SAR1A: variants seen among roughly 807,000 people sequenced by gnomAD.
SAR1A encodes the protein secretion associated Ras related GTPase 1A.
Under a neutral mutation model 22.6 loss-of-function variants are expected in SAR1A, and 6 were observed. The ratio of observed to expected loss-of-function variants is 0.27; its 90% CI spans 0.15 to 0.52. The LOEUF (loss-of-function observed/expected upper bound fraction) is 0.52. Among genes scored for constraint, SAR1A ranks in the 20% least tolerant of loss-of-function variants. The pLI, the probability that SAR1A is intolerant of heterozygous loss-of-function variation, is 0.96. For missense variants in SAR1A, 145 were observed against 245.1 expected (o/e 0.59, Z 2.73); for synonymous variants, 70 against 82.2 (o/e 0.85, Z 0.80).
At chr10:70,154,381 G>T (rs958390076) in intron 5 of SAR1A, among the ~76,000 whole-genome samples, 1 of 152,146 alleles carries the variant, frequency 6.6e-6, no homozygotes, top group Non-Finnish European at 1.5e-5. Context: ...CATTGTGTGC[G>T]AAGAACTCTC....
In SAR1A at chr10:70,148,817, ACTTT is replaced by A. The variant is rs1839294659; in HGVS notation, c.*3655_*3658del. On this transcript the variant is annotated 3_prime_UTR_variant, in exon 7 of 7. Coordinates refer to ENST00000373241, the MANE Select transcript of SAR1A (RefSeq NM_020150.5). The stretch of plus-strand genomic sequence containing the variant: ...AACAAACAAACAAACAAACAAACAA[ACTTT>A]CTCTCTCGAGTCCAGTGATTCTCCC... The A allele has an allele frequency of 6.5e-6, 1 of 154,342 alleles. No individual in the cohort carries two copies. The highest frequency in any genetic ancestry group is 1.4e-5 in the Non-Finnish European group (1 of 70,732). The allele number at this position is 154,342 out of a possible 1,614,324, so 9.6% of individuals were successfully genotyped here.
intron 4 of SAR1A, among the ~76,000 whole-genome samples, chr10:70,158,757 C>CAGGAAAAA (rs368054677): frequency 7.9e-6 from 1 of 125,810 alleles, no homozygotes; most frequent in African/African-American, 2.9e-5. Flanking sequence ...TTAAGTTATA[C>CAGGAAAAA]AAAAAAAAAA....
intron 5 of SAR1A, chr10:70,155,176 T>C (rs186330799): frequency 1.0e-3 from 481 of 482,518 alleles, no homozygotes; most frequent in Non-Finnish European, 1.4e-3. Flanking sequence ...TTTTTCAGTA[T>C]AATGAATTCA....
At chr10:70,161,760 A>C in intron 2 of SAR1A, 22 bp from the exon 3 acceptor site, 1 of 1,613,822 alleles carries the variant, frequency 6.2e-7, no homozygotes, top group Non-Finnish European at 8.5e-7. Context: ...AAAAATTGTT[A>C]ACACATTTGC....
intron 1 of SAR1A, among the ~76,000 whole-genome samples, chr10:70,164,429 AAAGT>A (rs1839518963): frequency 6.6e-6 from 1 of 152,174 alleles, no homozygotes; most frequent in African/African-American, 2.4e-5. Flanking sequence ...GCCTTTTTTT[AAAGT>A]AGTTTTCTTT....
intron 1 of SAR1A, among the ~76,000 whole-genome samples, chr10:70,162,474 C>CAGGGGAGGAGGGGG (rs1424428897): frequency 2.0e-4 from 7 of 34,930 alleles, no homozygotes; most frequent in Admixed American, 3.9e-4. Flanking sequence ...GGAGGCGGGG[C>CAGGGGAGGAGGGGG]AGGGGAGGAG....
At chr10:70,161,192 G>A (rs1469745824) in intron 3 of SAR1A, 123 bp from the exon 4 acceptor site, 2 of 726,424 alleles carry the variant, frequency 2.8e-6, no homozygotes, top group African/African-American at 3.6e-5. Flanking sequence ...GTTGAGTGTG[G>A]TGGTACCCGC....
chr10:70,151,259 C>CAAAAAAAAAAAAAAAAAAAAAAAAAAAA lies in SAR1A; in HGVS notation c.*1216_*1217insTTTTTTTTTTTTTTTTTTTTTTTTTTTT, dbSNP rs201493587. ...GCAATGGAGAAAGACAATTTCATAC[C>CAAAAAAAAAAAAAAAAAAAAAAAAAAAA]AAAAAAAAAAAAAAAAAAAAAAAAA... On this transcript the variant is annotated 3_prime_UTR_variant, in exon 7 of 7. Transcript: ENST00000373241. 5 of 70,386 alleles carry CAAAAAAAAAAAAAAAAAAAAAAAAAAAA rather than the reference C, an allele frequency of 7.1e-5. No individual in the cohort carries two copies. Among genetic ancestry groups the CAAAAAAAAAAAAAAAAAAAAAAAAAAAA allele is most frequent in the Non-Finnish European group, 1.3e-4 (5 of 38,030 alleles). The allele number at this position is 70,386 out of a possible 1,614,324, so 4.4% of individuals were successfully genotyped here. A position where few individuals can be genotyped will look rare whatever the true frequency, so the allele number is the denominator to read the frequency against.
intron 6 of SAR1A, among the ~76,000 whole-genome samples, chr10:70,153,313 C>T (rs1839348812): frequency 6.6e-6 from 1 of 152,180 alleles, no homozygotes; most frequent in African/African-American, 2.4e-5. Context: ...TTGGAAGACT[C>T]AAGTTCTTTT....
intron 6 of SAR1A, among the ~76,000 whole-genome samples, chr10:70,153,564 A>C (rs1277212272): frequency 6.6e-6 from 1 of 152,266 alleles, no homozygotes; most frequent in East Asian, 1.9e-4. Flanking sequence ...GCAATTTCTC[A>C]GAATCAAATT....
intron 5 of SAR1A, 193 bp downstream of exon 5, chr10:70,157,571 C>G: frequency 1.9e-6 from 1 of 529,722 alleles, no homozygotes; most frequent in Non-Finnish European, 3.3e-6. Flanking sequence ...TAAGTTTGAG[C>G]TGAGTTTCCT....
At chr10:70,162,152 C>A (rs1839477137) in intron 1 of SAR1A, among the ~76,000 whole-genome samples, 1 of 151,898 alleles carries the variant, frequency 6.6e-6, no homozygotes, top group Non-Finnish European at 1.5e-5. Context: ...CTGGCCTGGG[C>A]AAGAAAGCTG....
intron 1 of SAR1A, among the ~76,000 whole-genome samples, chr10:70,162,212 C>T (rs1371892637): frequency 6.6e-6 from 1 of 151,530 alleles, no homozygotes; most frequent in Non-Finnish European, 1.5e-5. Flanking sequence ...TAATGACACA[C>T]ACCAAGAGTC....
intron 3 of SAR1A, 123 bp downstream of exon 3, chr10:70,161,496 T>C: frequency 8.7e-7 from 1 of 1,154,228 alleles, no homozygotes; most frequent in Non-Finnish European, 1.2e-6. Context: ...CAGGGAACTT[T>C]CTCGTATGAG....
intron 3 of SAR1A, chr10:70,161,284 C>A: frequency 1.8e-6 from 1 of 548,576 alleles, no homozygotes; most frequent in Non-Finnish European, 3.2e-6. Flanking sequence ...AGGCAACGCC[C>A]CACTCCCAAC....
intron 4 of SAR1A, among the ~76,000 whole-genome samples, chr10:70,160,066 A>T (rs1199974814): frequency 6.6e-6 from 1 of 152,212 alleles, no homozygotes; most frequent in Non-Finnish European, 1.5e-5. Context: ...ATTACTTATA[A>T]ATATTTAATT....
intron 4 of SAR1A, among the ~76,000 whole-genome samples, chr10:70,158,198 T>C (rs1264912147): frequency 1.3e-5 from 2 of 152,244 alleles, no homozygotes; most frequent in African/African-American, 2.4e-5. Context: ...CTGAACACTT[T>C]TGCTTGACAA....
intron 5 of SAR1A, among the ~76,000 whole-genome samples, chr10:70,156,442 T>C (rs1274308084): frequency 1.3e-5 from 2 of 151,882 alleles, no homozygotes; most frequent in African/African-American, 4.8e-5. Flanking sequence ...AGGCAGAGGA[T>C]CACCTGAAGC....
chr10:70,158,757 C>CAGAAAAT (rs368054677), intron 4 of SAR1A, among the ~76,000 whole-genome samples: 1 of 125,810 alleles, frequency 7.9e-6, no homozygotes, highest in Non-Finnish European at 1.7e-5. Flanking sequence ...TTAAGTTATA[C>CAGAAAAT]AAAAAAAAAA....
Sources: allele counts gnomAD v4.1 joint callset (sites outside exome capture counted in the v4.1 genomes callset), GRCh38; gene constraint gnomAD v4.1.1; transcripts MANE v1.5; gene names NCBI Gene and HGNC (gene_info 2026-07-23, HGNC 2026-07-21).